TUSC3: variants seen among roughly 807,000 people sequenced by gnomAD.
TUSC3 encodes dolichyl-diphosphooligosaccharide--protein glycosyltransferase subunit TUSC3.
TUSC3 carries 45 observed loss-of-function variants against 44.8 expected under a neutral mutation model. The observed-to-expected ratio is 1.00, with a 90% CI of 0.79 to 1.29. The LOEUF is 1.29. Among genes scored for constraint, TUSC3 ranks in the 50% most tolerant of loss-of-function variants. The pLI is 0.00. For missense variants in TUSC3, 519 were observed against 437.9 expected (o/e 1.19, Z -1.65); for synonymous variants, 212 against 152.9 (o/e 1.39, Z -2.85).
chr8:15,786,941 C>CAAAAAAA, the TUSC3 span, among the ~76,000 whole-genome samples: 13 of 63,372 alleles, frequency 2.1e-4, no homozygotes, highest in East Asian at 1.5e-3. Context: ...GAGACTCCAT[C>CAAAAAAA]AAAAAAAAAA....
At chr8:15,452,984 G>A (rs78431954) in intron 1 of TUSC3, among the ~76,000 whole-genome samples, 2,973 of 151,728 alleles carry the variant, frequency 0.02, 103 homozygotes, top group African/African-American at 0.068. Context: ...CCACTCCCCC[G>A]TCACAAGTAC....
At chr8:15,546,115 C>T (rs190644066) in intron 1 of TUSC3, among the ~76,000 whole-genome samples, 6 of 151,880 alleles carry the variant, frequency 4.0e-5, no homozygotes. Context: ...CACATATTTG[C>T]ATGTGTGTAT....
chr8:15,668,867 C>T (rs1208441885), intron 5 of TUSC3, among the ~76,000 whole-genome samples: 1 of 151,474 alleles, frequency 6.6e-6, no homozygotes, highest in Non-Finnish European at 1.5e-5. Context: ...TCTGGAGAAA[C>T]AAAAAAATAA....
chr8:15,722,356 G>T (rs1367093049), intron 6 of TUSC3, among the ~76,000 whole-genome samples: 2 of 151,642 alleles, frequency 1.3e-5, no homozygotes, highest in African/African-American at 4.8e-5. Context: ...TTACTATCAG[G>T]ACAGATAACT....
At chr8:15,767,150 C>T (rs572310919), downstream of TUSC3, among the ~76,000 whole-genome samples, 23 of 152,218 alleles carry the variant, frequency 1.5e-4, no homozygotes, top group Admixed American at 3.9e-4. Context: ...CATTCATTAG[C>T]TCCTAAATTC....
intron 2 of TUSC3, among the ~76,000 whole-genome samples, chr8:15,508,606 C>A (rs568038173): frequency 1.3e-5 from 2 of 151,718 alleles, no homozygotes; most frequent in Admixed American, 6.6e-5. Flanking sequence ...GGACTACAGG[C>A]GCCTGCCACC....
intron 1 of TUSC3, among the ~76,000 whole-genome samples, chr8:15,564,620 C>T (rs911692620): frequency 6.6e-6 from 1 of 151,976 alleles, no homozygotes; most frequent in Non-Finnish European, 1.5e-5. Flanking sequence ...GATGGTGTGC[C>T]AGACCTGTTT....
chr8:15,773,487 TG>T, the TUSC3 span, among the ~76,000 whole-genome samples: 18 of 152,290 alleles, frequency 1.2e-4, no homozygotes, highest in South Asian at 3.1e-3. Flanking sequence ...GTTCATACGT[TG>T]AAAAACATAA....
intron 2 of TUSC3, among the ~76,000 whole-genome samples, chr8:15,507,065 T>C (rs955403028): frequency 3.9e-5 from 6 of 152,330 alleles, no homozygotes; most frequent in Admixed American, 3.3e-4. Flanking sequence ...TGTATACATA[T>C]GAAATAACTT....
the TUSC3 span, among the ~76,000 whole-genome samples, chr8:15,804,488 C>G: frequency 6.6e-6 from 1 of 152,268 alleles, no homozygotes; most frequent in South Asian, 2.1e-4. Flanking sequence ...TTTCATTCAT[C>G]TTGAGGTAAG....
At chr8:15,613,105 T>TTG (rs1425046002) in intron 1 of TUSC3, among the ~76,000 whole-genome samples, 1 of 149,128 alleles carries the variant, frequency 6.7e-6, no homozygotes, top group Non-Finnish European at 1.5e-5. Flanking sequence ...TTATATGTGT[T>TTG]TGTGTGTGTG....
chr8:15,774,248 A>T, the TUSC3 span, among the ~76,000 whole-genome samples: 1 of 53,256 alleles, frequency 1.9e-5, no homozygotes. Flanking sequence ...TCCTCAAAAA[A>T]GATAAGTTGA....
chr8:15,664,625 C>T (rs56276183), intron 5 of TUSC3, among the ~76,000 whole-genome samples: 4 of 149,506 alleles, frequency 2.7e-5, no homozygotes, highest in African/African-American at 4.9e-5. Context: ...GACATGTTTT[C>T]AAACAGTGAG....
At position 15,669,508 on chromosome 8, in the gene TUSC3, CAG is replaced by C. The variant is rs1179812625; in HGVS notation, c.709-4238_709-4237del. Among the ~76,000 whole-genome samples the C allele has an allele frequency of 7.3e-5, 11 of 151,610 alleles. No homozygotes were observed. The East Asian group carries it at 1.9e-3, about 27-fold the overall frequency. ...TTATTCTAAACAAAAAAATTACAGACAGTAATAAATAAAAATGGTAATACATT... is the reference window on the plus strand; with the variant it reads ...TTATTCTAAACAAAAAAATTACAGACTAATAAATAAAAATGGTAATACATT... On this transcript the variant is annotated intron_variant, in intron 5 of 10. Transcript: ENST00000503731.
intron 1 of TUSC3, among the ~76,000 whole-genome samples, chr8:15,610,035 T>C (rs1280026106): frequency 6.6e-6 from 1 of 152,160 alleles, no homozygotes; most frequent in Non-Finnish European, 1.5e-5. Context: ...TTTTTGTTGC[T>C]GTTGATCACA....
the TUSC3 span, among the ~76,000 whole-genome samples, chr8:15,797,852 G>A: frequency 3.9e-5 from 6 of 152,300 alleles, no homozygotes; most frequent in African/African-American, 1.4e-4. Flanking sequence ...CTGACGTGTT[G>A]GGAGCAATAA....
intron 6 of TUSC3, among the ~76,000 whole-genome samples, chr8:15,691,484 T>C (rs780154535): frequency 1.3e-5 from 2 of 152,208 alleles, no homozygotes; most frequent in Non-Finnish European, 2.9e-5. Context: ...TCTCTTTTTA[T>C]TTTGATGCCT....
At chr8:15,571,644 G>T (rs1012429955) in intron 1 of TUSC3, among the ~76,000 whole-genome samples, 1 of 152,104 alleles carries the variant, frequency 6.6e-6, no homozygotes, top group Non-Finnish European at 1.5e-5. Context: ...AAATTAAGTT[G>T]GCCACATTGA....
chr8:15,844,013 T>G, the TUSC3 span, among the ~76,000 whole-genome samples: 1 of 152,150 alleles, frequency 6.6e-6, no homozygotes. Flanking sequence ...AATTCCCTTC[T>G]CAAATATCCT....
Sources: gnomAD v4.1 joint callset for allele counts (sites outside exome capture counted in the v4.1 genomes callset) on GRCh38, gnomAD v4.1.1 for gene constraint, MANE v1.5 for transcripts, NCBI Gene and HGNC (gene_info 2026-07-23, HGNC 2026-07-21) for gene names.